Variants in EYS observed in about 807,000 individuals in gnomAD.
EYS encodes the protein protein eyes shut homolog.
A neutral mutation model predicts 282.1 loss-of-function variants in EYS; 250 were observed. That is an observed-to-expected ratio of 0.89 (90% CI 0.80 to 0.98). The LOEUF is 0.98. EYS is among the 50% of genes least tolerant of loss of function. EYS has a pLI of 0.00. For missense variants in EYS, 4,016 were observed against 3,709.0 expected (o/e 1.08, Z -2.15); for synonymous variants, 1,355 against 1,282.9 (o/e 1.06, Z -1.20).
chr6:65,311,369 A>G (rs906887467), intron 11 of EYS, among the ~76,000 whole-genome samples: 3 of 152,134 alleles, frequency 2.0e-5, no homozygotes, highest in Non-Finnish European at 1.5e-5. Flanking sequence ...CATATTTCAC[A>G]ATTAGCTGCT....
intron 4 of EYS, among the ~76,000 whole-genome samples, chr6:65,491,962 C>A (rs1248506087): frequency 6.6e-6 from 1 of 152,124 alleles, no homozygotes; most frequent in Non-Finnish European, 1.5e-5. Flanking sequence ...GAGAAGACAG[C>A]AGTCTATGGA....
intron 15 of EYS, among the ~76,000 whole-genome samples, chr6:64,937,825 G>T (rs1768959261): frequency 6.6e-6 from 1 of 151,546 alleles, no homozygotes; most frequent in Non-Finnish European, 1.5e-5. Flanking sequence ...GACATGTATT[G>T]CACATGTTTA....
At chr6:64,634,991 T>G (rs1306388678) in intron 22 of EYS, among the ~76,000 whole-genome samples, 1 of 152,124 alleles carries the variant, frequency 6.6e-6, no homozygotes, top group Non-Finnish European at 1.5e-5. Context: ...TATCCTCTTT[T>G]ATTTCATTGA....
At chr6:64,995,724 C>CCCCCCCCCCCCCCCCCCT (rs1771237754) in intron 14 of EYS, among the ~76,000 whole-genome samples, 1 of 148,880 alleles carries the variant, frequency 6.7e-6, no homozygotes, top group Non-Finnish European at 1.5e-5. Context: ...TTCCCCCCCG[C>CCCCCCCCCCCCCCCCCCT]CCCATATTCT....
At chr6:64,758,251 T>G (rs866405250) in intron 22 of EYS, among the ~76,000 whole-genome samples, 2 of 152,056 alleles carry the variant, frequency 1.3e-5, no homozygotes, top group Non-Finnish European at 2.9e-5. Flanking sequence ...CTAGCCACTA[T>G]ACTCTCCTCT....
chr6:64,007,137 TG>T (rs1468649021), intron 33 of EYS, among the ~76,000 whole-genome samples: 1 of 152,222 alleles, frequency 6.6e-6, no homozygotes, highest in Non-Finnish European at 1.5e-5. Flanking sequence ...GGGCTATTTC[TG>T]GTTGTTAGGC....
chr6:65,593,506 C>A (rs1191635137), intron 2 of EYS, among the ~76,000 whole-genome samples: 1 of 151,928 alleles, frequency 6.6e-6, no homozygotes, highest in African/African-American at 2.4e-5. Flanking sequence ...AGCTGACAGC[C>A]CACCTCAGAA....
At chr6:63,741,380 C>G (rs1251511330) in intron 41 of EYS, among the ~76,000 whole-genome samples, 1 of 152,102 alleles carries the variant, frequency 6.6e-6, no homozygotes, top group African/African-American at 2.4e-5. Context: ...AATGAAGTAC[C>G]ATCTGATTTA....
intron 5 of EYS, among the ~76,000 whole-genome samples, chr6:65,410,112 G>C (rs922881798): frequency 6.6e-6 from 1 of 151,882 alleles, no homozygotes; most frequent in Non-Finnish European, 1.5e-5. Flanking sequence ...AATATTATTT[G>C]AAATTATAGT....
chr6:65,350,505 G>A (rs1770557826), intron 9 of EYS, among the ~76,000 whole-genome samples: 1 of 151,598 alleles, frequency 6.6e-6, no homozygotes, highest in African/African-American at 2.4e-5. Flanking sequence ...CATGTTAAGT[G>A]TTTTAACTCT....
At chr6:64,309,818 A>C (rs1769606005) in intron 29 of EYS, among the ~76,000 whole-genome samples, 1 of 152,046 alleles carries the variant, frequency 6.6e-6, no homozygotes, top group Admixed American at 6.6e-5. Flanking sequence ...TACAAAACTT[A>C]GCTGGGCATG....
chr6:64,151,949 T>C (rs941154537), intron 31 of EYS, among the ~76,000 whole-genome samples: 2 of 152,196 alleles, frequency 1.3e-5, no homozygotes, highest in Admixed American at 1.3e-4. Flanking sequence ...CATTTTCTGA[T>C]GTTTTTGAGC....
chr6:63,726,587 A>G lies in EYS; in HGVS notation c.8165T>C (p.Leu2722Ser). 1 of 1,551,324 alleles carries G rather than the reference A, an allele frequency of 6.4e-7. No homozygotes were observed. Among genetic ancestry groups the G allele is most frequent in the East Asian group, 2.4e-5 (1 of 40,906 alleles). Residue 2722 changes from leucine to serine, a missense_variant, in exon 42 of 43, where the codon TTG becomes TCG. Coordinates refer to ENST00000503581, the MANE Select transcript of EYS (RefSeq NM_001142800.2). ...FHVRKKTHIQ[L>S]QFQPLAADGI... ...ATCTGCAGCGAGAGGCTGAAACTGC[A>G]ATTGAATATGTGTCTTTTTTCGAAC... is the stretch of plus-strand genomic sequence containing the variant.
chr6:63,755,698 T>C (rs979655445), intron 41 of EYS, among the ~76,000 whole-genome samples: 1 of 152,228 alleles, frequency 6.6e-6, no homozygotes, highest in Admixed American at 6.5e-5. Context: ...GGGGATAGCA[T>C]TGAGTCCATA....
At chr6:64,460,440 T>C (rs1003911408) in intron 26 of EYS, among the ~76,000 whole-genome samples, 12 of 152,206 alleles carry the variant, frequency 7.9e-5, no homozygotes, top group African/African-American at 2.7e-4. Flanking sequence ...CTCAATAATG[T>C]ATGTTACAAT....
intron 30 of EYS, among the ~76,000 whole-genome samples, chr6:64,260,710 A>G (rs1441442207): frequency 6.6e-6 from 1 of 151,954 alleles, no homozygotes; most frequent in Non-Finnish European, 1.5e-5. Context: ...TAGGACTGTT[A>G]TGCTTTTATT....
rs1458502593 is a variant in EYS at position 64,590,757 on chromosome 6, T to A, written c.5110A>T (p.Ile1704Leu). Residue 1704 changes from isoleucine to leucine, a missense_variant, in exon 26 of 43, where the codon ATA (isoleucine) becomes TTA (leucine). Ile to Leu is a conservative substitution (Grantham distance 5). Transcript: ENST00000503581. The part of the protein sequence containing the change: ...VSENILKLLK[I>L]RQYGITMGPT... ...CCCATAGTTATGCCATATTGTCTTATTTTCAATAGTTTTAAAATGTTTTCT... is the reference window on the plus strand; with the variant it reads ...CCCATAGTTATGCCATATTGTCTTAATTTCAATAGTTTTAAAATGTTTTCT... The A allele has an allele frequency of 7.7e-6, 12 of 1,550,886 alleles. No individual in the cohort carries two copies. The highest frequency in any genetic ancestry group is 2.0e-5 in the Admixed American group (1 of 50,940).
chr6:64,978,506 G>A lies in EYS; in HGVS notation c.2259+19076C>T, dbSNP rs143938218. ...CAAGGAGATTAATATTTTCATGCCT[G>A]CTAATACAACATCCATTCTGTAGCC... is the stretch of plus-strand genomic sequence containing the variant. On this transcript the variant is annotated intron_variant, in intron 14 of 42. Transcript: ENST00000503581. Among the ~76,000 whole-genome samples, 7 of 152,016 alleles carry A rather than the reference G, an allele frequency of 4.6e-5. 1 individual carries two copies. Among genetic ancestry groups the A allele is most frequent in the African/African-American group, 1.7e-4 (7 of 41,532 alleles).
intron 41 of EYS, among the ~76,000 whole-genome samples, chr6:63,752,434 A>G (rs1299978466): frequency 1.3e-5 from 2 of 151,746 alleles, no homozygotes; most frequent in African/African-American, 2.4e-5. Context: ...ATGGCCATCT[A>G]TATAGAGTCT....
Sources: allele counts gnomAD v4.1 joint callset (sites outside exome capture counted in the v4.1 genomes callset), GRCh38; gene constraint gnomAD v4.1.1; transcripts MANE v1.5; gene names NCBI Gene and HGNC (gene_info 2026-07-23, HGNC 2026-07-21).